Variants in EIF3D observed in about 807,000 individuals in gnomAD.
EIF3D encodes the protein eIF3 p66.
Under a neutral mutation model 75.4 loss-of-function variants are expected in EIF3D, and 10 were observed. That is an observed-to-expected ratio of 0.13 (90% CI 0.08 to 0.22). The LOEUF is 0.22. Ranked by LOEUF, EIF3D falls within the 10% of genes least tolerant of loss-of-function variation. The pLI, the probability that EIF3D is intolerant of heterozygous loss-of-function variation, is 1.00. For synonymous variants in EIF3D, 246 were observed against 248.3 expected, an observed-to-expected ratio of 0.99 and a Z score of 0.09; for missense variants, 394 against 708.0, an observed-to-expected ratio of 0.56 and a Z score of 5.03.
chr22:36,517,362 C>A lies in EIF3D; in HGVS notation c.929G>T (p.Arg310Leu). Residue 310 changes from arginine (R) to leucine (L), a missense_variant, in exon 10 of 15, where the codon CGC becomes CTC. Physicochemically the swap from Arg to Leu is moderately radical, Grantham distance 102. Coordinates refer to ENST00000216190, the MANE Select transcript of EIF3D (RefSeq NM_003753.4). The part of the protein sequence containing the change: ...QDEGNSFNSP[R>L]NLAMEATYIN... ...GTAGGTTGCCTCCATGGCCAGGTTG[C>A]GGGGTGAATTGAAGGAATTACCTTC... 1 of 1,613,864 alleles carries A rather than the reference C, an allele frequency of 6.2e-7. No homozygotes were observed. Among genetic ancestry groups the A allele is most frequent in the Non-Finnish European group, 8.5e-7 (1 of 1,179,896 alleles).
intron 5 of EIF3D, 36 bp downstream of exon 5, chr22:36,523,859 G>A (rs1480233866): frequency 2.5e-6 from 4 of 1,593,972 alleles, no homozygotes; most frequent in Non-Finnish European, 3.4e-6. Context: ...GCCAGTCTGG[G>A]AAGGGTGTCT....
At chr22:36,522,987 G>C in intron 6 of EIF3D, 1 of 460,776 alleles carries the variant, frequency 2.2e-6, no homozygotes, top group Non-Finnish European at 4.0e-6. Flanking sequence ...TTCTGTTCTA[G>C]CAACGGAAAA....
Position 36,524,367 on chromosome 22 carries a change from C to T in EIF3D, c.306+229G>A, listed in dbSNP as rs933741855. Among the ~76,000 whole-genome samples, 3 of 152,316 alleles carry T rather than the reference C, an allele frequency of 2.0e-5. No individual in the cohort carries two copies. The South Asian group carries it at 6.2e-4, about 32-fold the overall frequency. ...GCACAAATGTTTTTAGCATACAAGTCTGATGTCCTAGCTACTGGCAAACAG... is the reference window on the plus strand; with the variant it reads ...GCACAAATGTTTTTAGCATACAAGTTTGATGTCCTAGCTACTGGCAAACAG... On this transcript the variant is annotated intron_variant, in intron 4 of 14. Coordinates refer to ENST00000216190, the MANE Select transcript of EIF3D (RefSeq NM_003753.4).
At chr22:36,527,161 A>G (rs1039364549) in intron 1 of EIF3D, among the ~76,000 whole-genome samples, 10 of 152,254 alleles carry the variant, frequency 6.6e-5, no homozygotes, top group Non-Finnish European at 1.3e-4. Flanking sequence ...CCTCAGGCCC[A>G]AAGTTGCCAT....
Position 36,518,901 on chromosome 22 carries a change from T to C in EIF3D, c.721A>G (p.Thr241Ala). 1 of 1,613,528 alleles carries C rather than the reference T, an allele frequency of 6.2e-7. No individual in the cohort carries two copies. Among genetic ancestry groups the C allele is most frequent in the Non-Finnish European group, 8.5e-7 (1 of 1,179,776 alleles). The change falls in exon 9 of 15, where the codon ACT becomes GCT. Residue 241 changes from threonine to alanine, a missense_variant. By Grantham distance (58) the Thr-to-Ala change is moderately conservative. Coordinates refer to ENST00000216190, the MANE Select transcript of EIF3D (RefSeq NM_003753.4). ...DDPVIRKLAK[T>A]QGNVFATDAI... Reference sequence around the variant, plus strand: ...TCAGTGGCAAACACATTCCCCTGAGTTTTTGCCAGCTGCAAAGAGGATCAA... The same window carrying C: ...TCAGTGGCAAACACATTCCCCTGAGCTTTTGCCAGCTGCAAAGAGGATCAA...
At position 36,527,167 on chromosome 22, in the gene EIF3D, G is replaced by C. The variant is rs570897788; in HGVS notation, c.-10-1036C>G. ...CCCCACAGACCTCAGGCCCAAAGTTGCCATGTTAAATGTTCATGAATACTG... is the reference window on the plus strand; with the variant it reads ...CCCCACAGACCTCAGGCCCAAAGTTCCCATGTTAAATGTTCATGAATACTG... On this transcript the variant is annotated intron_variant, in intron 1 of 14. Coordinates refer to ENST00000216190, the MANE Select transcript of EIF3D (RefSeq NM_003753.4). Among the ~76,000 whole-genome samples the C allele has an allele frequency of 4.6e-5, 7 of 152,332 alleles. No individual in the cohort carries two copies. The East Asian group carries it at 1.3e-3, about 29-fold the overall frequency.
At chr22:36,512,968 A>G (rs932088034) in intron 12 of EIF3D, 2 of 171,080 alleles carry the variant, frequency 1.2e-5, no homozygotes, top group South Asian at 3.1e-4. Flanking sequence ...TGTAACAGTG[A>G]GCCAAGTGGA....
intron 1 of EIF3D, among the ~76,000 whole-genome samples, chr22:36,528,418 A>AT (rs1175702467): frequency 7.9e-6 from 1 of 126,466 alleles, no homozygotes; most frequent in Non-Finnish European, 1.6e-5. Flanking sequence ...GCTTTAATAA[A>AT]TGTTTTTTTT....
chr22:36,518,989 C>T, intron 8 of EIF3D, 79 bp from the exon 9 acceptor site: 8 of 1,544,316 alleles, frequency 5.2e-6, no homozygotes, highest in Non-Finnish European at 7.0e-6. Context: ...GGAAAGAACT[C>T]CTTTGCTGAC....
In EIF3D at chr22:36,519,283, G is replaced by T. The variant is rs926451516; in HGVS notation, c.711+122C>A. ...AACATCCACATTTCCGGTCTACCTG[G>T]CAAAGTGCTTTTACCTATAATACAT... On this transcript the variant is annotated intron_variant, in intron 8 of 14. Transcript: ENST00000216190. 8 of 1,399,814 alleles carry T rather than the reference G, an allele frequency of 5.7e-6. 1 individual carries two copies. The African/African-American group carries it at 1.0e-4, about 18-fold the overall frequency. The allele number at this position is 1,399,814 out of a possible 1,614,324, so 86.7% of individuals were successfully genotyped here.
intron 5 of EIF3D, 149 bp from the exon 6 acceptor site, chr22:36,523,430 C>G: frequency 1.5e-6 from 1 of 663,998 alleles, no homozygotes. Context: ...AGGAAGAGAC[C>G]CAGACGGTGC....
intron 12 of EIF3D, among the ~76,000 whole-genome samples, chr22:36,515,045 T>C (rs991209779): frequency 2.6e-5 from 4 of 152,192 alleles, no homozygotes; most frequent in Admixed American, 6.5e-5. Flanking sequence ...TCTGCCACCA[T>C]TGCAAGTTTC....
At chr22:36,521,795 G>C (rs1411925723) in intron 6 of EIF3D, among the ~76,000 whole-genome samples, 1 of 147,394 alleles carries the variant, frequency 6.8e-6, no homozygotes. Flanking sequence ...AAAAAAGCCA[G>C]ACATGTTGGC....
In EIF3D at chr22:36,516,497, A is replaced by G; in HGVS notation, c.1187T>C (p.Leu396Pro). 1 of 1,614,078 alleles carries G rather than the reference A, an allele frequency of 6.2e-7. No homozygotes were observed. The highest frequency in any genetic ancestry group is 8.5e-7 in the Non-Finnish European group (1 of 1,179,942). Residue 396 changes from leucine (L) to proline (P), a missense_variant, in exon 12 of 15, where the codon CTC becomes CCC. Physicochemically the swap from Leu to Pro is moderately conservative, Grantham distance 98. Coordinates refer to ENST00000216190, the MANE Select transcript of EIF3D (RefSeq NM_003753.4). ...GCTCACCCTGGAATCCCACTCATTG[A>G]GTGTCTTGATGTTGATGAAGGACAC... ...GEVSFINIKTLNEWDSRHCNG... is the reference protein window; with the variant it reads ...GEVSFINIKTPNEWDSRHCNG...
intron 13 of EIF3D, among the ~76,000 whole-genome samples, chr22:36,511,992 A>G (rs904639534): frequency 3.3e-5 from 5 of 149,766 alleles, no homozygotes; most frequent in African/African-American, 9.9e-5. Flanking sequence ...CCGGGTTCAC[A>G]CCATTCTCCT....
chr22:36,526,627 A>G (rs1333253534), intron 1 of EIF3D, among the ~76,000 whole-genome samples: 1 of 128,652 alleles, frequency 7.8e-6, no homozygotes, highest in African/African-American at 3.3e-5. Flanking sequence ...TTTTTTTTTG[A>G]GACAGAGTCT....
intron 1 of EIF3D, among the ~76,000 whole-genome samples, chr22:36,527,492 T>C (rs1045159795): frequency 6.6e-6 from 1 of 152,248 alleles, no homozygotes; most frequent in African/African-American, 2.4e-5. Context: ...TCTTCCGTTG[T>C]AACCTTCTGA....
intron 8 of EIF3D, among the ~76,000 whole-genome samples, 181 bp from the exon 9 acceptor site, chr22:36,519,091 G>A (rs1170889780): frequency 6.6e-6 from 1 of 152,218 alleles, no homozygotes; most frequent in Admixed American, 6.5e-5. Flanking sequence ...TGGCACTGCA[G>A]CACCCTAAGC....
chr22:36,528,008 A>G (rs1934633093), intron 1 of EIF3D, among the ~76,000 whole-genome samples: 1 of 152,186 alleles, frequency 6.6e-6, no homozygotes, highest in Non-Finnish European at 1.5e-5. Flanking sequence ...GACAGAAGAA[A>G]AAGGGTGGTG....
Sources: allele counts gnomAD v4.1 joint callset (sites outside exome capture counted in the v4.1 genomes callset), GRCh38; gene constraint gnomAD v4.1.1; transcripts MANE v1.5; gene names NCBI Gene and HGNC (gene_info 2026-07-23, HGNC 2026-07-21).